The following ARHGAP26 variants were observed in gnomAD, a reference collection of about 807,000 sequenced individuals.
ARHGAP26 encodes rho GTPase-activating protein 26.
A neutral mutation model predicts 104.8 loss-of-function variants in ARHGAP26; 38 were observed. That is an observed-to-expected ratio of 0.36 (90% CI 0.28 to 0.48). The LOEUF (loss-of-function observed/expected upper bound fraction) is 0.48. ARHGAP26 is among the 20% of genes least tolerant of loss of function. ARHGAP26 has a pLI of 0.99. For synonymous variants in ARHGAP26, 341 were observed against 340.0 expected (o/e 1.00, Z -0.03); for missense variants, 704 against 947.9 (o/e 0.74, Z 3.38).
At chr5:142,903,744 G>A in intron 8 of ARHGAP26, 75 bp downstream of exon 8, 1 of 1,486,776 alleles carries the variant, frequency 6.7e-7, no homozygotes, top group Non-Finnish European at 9.1e-7. Context: ...GTATTCAGCA[G>A]TGCCTACCTT....
intron 11 of ARHGAP26, among the ~76,000 whole-genome samples, chr5:142,977,557 C>T (rs1164067240): frequency 9.2e-5 from 14 of 152,260 alleles, no homozygotes; most frequent in South Asian, 2.1e-4. Context: ...CTGCTGGATA[C>T]GGATCTTTGG....
intron 11 of ARHGAP26, among the ~76,000 whole-genome samples, chr5:142,964,470 A>G (rs1404879195): frequency 1.3e-5 from 2 of 152,144 alleles, no homozygotes; most frequent in African/African-American, 2.4e-5. Flanking sequence ...CAACAAAACT[A>G]TATTGTTAAG....
chr5:143,014,124 C>A lies in ARHGAP26; in HGVS notation c.1144+8C>A. 6.2e-7 allele frequency: 1 copy of A among 1,614,056 alleles called. No homozygotes were observed. The highest frequency in any genetic ancestry group is 1.7e-5 in the Admixed American group (1 of 60,026). On this transcript the variant is annotated splice_region_variant and intron_variant, in intron 12 of 22. Coordinates refer to ENST00000645722, the MANE Select transcript of ARHGAP26 (RefSeq NM_001135608.3). Reference sequence around the variant, plus strand: ...ACAGCCAGAGTGAAGGGAGTAAGTACGATGCTTGGGTAACCTTCTACAGCC... The same window carrying A: ...ACAGCCAGAGTGAAGGGAGTAAGTAAGATGCTTGGGTAACCTTCTACAGCC...
intron 19 of ARHGAP26, among the ~76,000 whole-genome samples, chr5:143,145,167 A>G (rs1301586101): frequency 1.3e-5 from 2 of 152,244 alleles, no homozygotes; most frequent in Admixed American, 1.3e-4. Context: ...AGAAAGACGA[A>G]TATACTTTTA....
chr5:142,843,376 C>G (rs534467267), intron 1 of ARHGAP26, among the ~76,000 whole-genome samples: 1 of 152,182 alleles, frequency 6.6e-6, no homozygotes. Flanking sequence ...ATTGAAGCAA[C>G]TAATGTAGGG....
intron 7 of ARHGAP26, among the ~76,000 whole-genome samples, chr5:142,902,578 G>C (rs571043837): frequency 6.6e-6 from 1 of 152,246 alleles, no homozygotes; most frequent in African/African-American, 2.4e-5. Flanking sequence ...AGAATCCTGC[G>C]TAGGGCTTTT....
chr5:143,026,018 A>G (rs961315955), intron 12 of ARHGAP26, among the ~76,000 whole-genome samples: 5 of 152,224 alleles, frequency 3.3e-5, no homozygotes, highest in Admixed American at 2.6e-4. Flanking sequence ...GAAAAGTCTG[A>G]CTAGCAGTAT....
intron 18 of ARHGAP26, among the ~76,000 whole-genome samples, chr5:143,123,027 G>A (rs1202539475): frequency 4.6e-5 from 7 of 152,196 alleles, no homozygotes; most frequent in Admixed American, 3.3e-4. Flanking sequence ...GGAAAGCAGG[G>A]ACGTTGTGTT....
intron 20 of ARHGAP26, among the ~76,000 whole-genome samples, chr5:143,197,209 C>A (rs77049538): frequency 0.086 from 13,048 of 152,248 alleles, 1,869 homozygotes; most frequent in African/African-American, 0.3. Flanking sequence ...ACACATAACA[C>A]ACCTTTCTCT....
intron 15 of ARHGAP26, 55 bp from the exon 16 acceptor site, chr5:143,055,973 G>T: frequency 7.9e-7 from 1 of 1,263,456 alleles, no homozygotes; most frequent in South Asian, 1.3e-5. Flanking sequence ...GCTATTTAGA[G>T]AGAATATGAT....
chr5:143,037,882 C>T (rs939071350), intron 13 of ARHGAP26, among the ~76,000 whole-genome samples: 5 of 152,184 alleles, frequency 3.3e-5, no homozygotes, highest in African/African-American at 4.8e-5. Context: ...GGGAGCTAGT[C>T]CCTGGGGACC....
intron 1 of ARHGAP26, among the ~76,000 whole-genome samples, chr5:142,783,791 G>A (rs963587035): frequency 6.6e-6 from 1 of 152,260 alleles, no homozygotes; most frequent in Non-Finnish European, 1.5e-5. Flanking sequence ...CAGGAAATTA[G>A]TGCTGCTTTC....
intron 19 of ARHGAP26, among the ~76,000 whole-genome samples, chr5:143,134,536 C>T (rs1599166627): frequency 6.6e-6 from 1 of 152,282 alleles, no homozygotes; most frequent in Middle Eastern, 3.4e-3. Flanking sequence ...GAGGGTGGGA[C>T]CTTGTACGGC....
chr5:142,790,806 C>G (rs1178070445), intron 1 of ARHGAP26, among the ~76,000 whole-genome samples: 2 of 152,152 alleles, frequency 1.3e-5, no homozygotes, highest in Non-Finnish European at 2.9e-5. Flanking sequence ...AAGTCTCAGC[C>G]AAAGGTCCTC....
intron 11 of ARHGAP26, among the ~76,000 whole-genome samples, chr5:142,981,988 G>A (rs1251898264): frequency 6.6e-6 from 1 of 152,260 alleles, no homozygotes; most frequent in East Asian, 1.9e-4. Context: ...CCACTTGGAA[G>A]TCTTTTCTCC....
intron 1 of ARHGAP26, among the ~76,000 whole-genome samples, chr5:142,855,911 G>C (rs1752282080): frequency 6.6e-6 from 1 of 152,210 alleles, no homozygotes; most frequent in African/African-American, 2.4e-5. Flanking sequence ...ACAATACATA[G>C]ATTTTTGAAT....
intron 19 of ARHGAP26, among the ~76,000 whole-genome samples, chr5:143,134,566 T>C (rs10075062): frequency 0.6 from 91,780 of 152,050 alleles, 28,002 homozygotes; most frequent in African/African-American, 0.65. Context: ...TACTCCACCT[T>C]TCATGGTGCC....
chr5:142,925,388 G>T (rs1041162949), intron 10 of ARHGAP26, among the ~76,000 whole-genome samples: 2 of 152,196 alleles, frequency 1.3e-5, no homozygotes, highest in East Asian at 3.8e-4. Flanking sequence ...TTGGATTAAA[G>T]AATTTCTTAT....
intron 7 of ARHGAP26, among the ~76,000 whole-genome samples, chr5:142,903,223 AATCACC>A (rs1404372341): frequency 6.6e-6 from 1 of 152,152 alleles, no homozygotes; most frequent in Non-Finnish European, 1.5e-5. Context: ...TCTGAATCAG[AATCACC>A]TGGGAGGCTT....
Sources: gnomAD v4.1 joint callset for allele counts (sites outside exome capture counted in the v4.1 genomes callset) on GRCh38, gnomAD v4.1.1 for gene constraint, MANE v1.5 for transcripts, NCBI Gene and HGNC (gene_info 2026-07-23, HGNC 2026-07-21) for gene names.